ABCC4: variants seen among roughly 807,000 people sequenced by gnomAD.
ABCC4 encodes the protein ATP-binding cassette sub-family C member 4.
Under a neutral mutation model 168.5 loss-of-function variants are expected in ABCC4, and 102 were observed. The observed-to-expected ratio is 0.61, with a 90% CI of 0.52 to 0.71. ABCC4 has a LOEUF of 0.71. Ranked by LOEUF, ABCC4 falls within the 30% of genes least tolerant of loss-of-function variation. The pLI is 0.00. For synonymous variants in ABCC4, 617 were observed against 590.7 expected (o/e 1.04, Z -0.65); for missense variants, 1,402 against 1,605.8 (o/e 0.87, Z 2.17).
chr13:95,029,172 A>ATCTATATC (rs778904308), intron 30 of ABCC4, among the ~76,000 whole-genome samples: 2,049 of 60,684 alleles, frequency 0.034, 91 homozygotes, highest in Non-Finnish European at 0.037. Flanking sequence ...AAATACATAT[A>ATCTATATC]TATATATATA....
Position 95,043,896 on chromosome 13 carries a change from T to C in ABCC4, c.3630-109A>G, listed in dbSNP as rs1017855650. The C allele has an allele frequency of 4.4e-6, 3 of 683,852 alleles. No homozygotes were observed. In the South Asian group the frequency reaches 6.9e-5, roughly 16 times the overall value. 42.4% of individuals were successfully genotyped at this position (683,852 alleles called of 1,614,324 possible). ...ATTTAAAAAAAAAAGATCATATCTATTTAATGTTTTAAAAATCATGTTAAA... is the reference window on the plus strand; with the variant it reads ...ATTTAAAAAAAAAAGATCATATCTACTTAATGTTTTAAAAATCATGTTAAA... On this transcript the variant is annotated intron_variant, in intron 28 of 30. Coordinates refer to ENST00000645237, the MANE Select transcript of ABCC4 (RefSeq NM_005845.5).
chr13:95,117,154 A>G (rs937819430), intron 19 of ABCC4, among the ~76,000 whole-genome samples: 2 of 151,950 alleles, frequency 1.3e-5, no homozygotes, highest in African/African-American at 4.8e-5. Flanking sequence ...AGAAAGCATC[A>G]TTCAGTGACA....
At chr13:95,240,269 G>A (rs533229362) in intron 3 of ABCC4, among the ~76,000 whole-genome samples, 3 of 152,186 alleles carry the variant, frequency 2.0e-5, no homozygotes, top group South Asian at 2.1e-4. Context: ...GCGGCTGGGC[G>A]CGATGTAATC....
rs151188499 is a variant in ABCC4 at position 95,115,056 on chromosome 13, C to T, written c.2535+866G>A. The stretch of plus-strand genomic sequence containing the variant: ...GAATATGTATAGCTTTTAATAGATG[C>T]ATTTCCAAAATAAACACTTGGGAAA... On this transcript the variant is annotated intron_variant, in intron 20 of 30. Coordinates refer to ENST00000645237, the MANE Select transcript of ABCC4 (RefSeq NM_005845.5). Among the ~76,000 whole-genome samples, 116 of 152,026 alleles carry T rather than the reference C, an allele frequency of 7.6e-4. 2 individuals carry two copies. Among genetic ancestry groups the T allele is most frequent in the Middle Eastern group, 3.4e-3 (1 of 294 alleles).
At chr13:95,168,397 G>A (rs2037355727) in intron 14 of ABCC4, among the ~76,000 whole-genome samples, 1 of 152,202 alleles carries the variant, frequency 6.6e-6, no homozygotes, top group Non-Finnish European at 1.5e-5. Context: ...TCTTAAGGGT[G>A]AGAATTCACT....
At position 95,085,817 on chromosome 13, in the gene ABCC4, T is replaced by C. The variant is rs574257243; in HGVS notation, c.2536-2527A>G. Among the ~76,000 whole-genome samples the C allele has an allele frequency of 3.3e-4, 50 of 152,316 alleles. No individual in the cohort carries two copies. The South Asian group carries it at 7.5e-3, about 23-fold the overall frequency. The stretch of plus-strand genomic sequence containing the variant: ...GCTTATATCCAAACCTTAGTACATA[T>C]GTATTTCGCATCCATTATCTAACTT... On this transcript the variant is annotated intron_variant, in intron 20 of 30. Coordinates refer to ENST00000645237, the MANE Select transcript of ABCC4 (RefSeq NM_005845.5).
At chr13:95,292,756 G>A (rs1016788723) in intron 1 of ABCC4, among the ~76,000 whole-genome samples, 4 of 152,118 alleles carry the variant, frequency 2.6e-5, no homozygotes, top group African/African-American at 9.7e-5. Context: ...TGACACTAAG[G>A]AAAAGGGGAA....
rs2038220387 is a variant in ABCC4, at chr13:95,190,511, G to A, written c.1264-1969C>T. 2.0e-5 allele frequency among the ~76,000 whole-genome samples: 3 copies of A among 152,220 alleles called. No individual in the cohort carries two copies. In the South Asian group the frequency reaches 6.2e-4, roughly 32 times the overall value. ...ACCAGAGCATGATAAACCAAAATGA[G>A]GAGGTTTCCTCTTCTCATACAAGGA... On this transcript the variant is annotated intron_variant, in intron 9 of 30. Coordinates refer to ENST00000645237, the MANE Select transcript of ABCC4 (RefSeq NM_005845.5).
chr13:95,194,814 T>A (rs779235936), intron 9 of ABCC4, 22 bp downstream of exon 9: 3 of 1,584,094 alleles, frequency 1.9e-6, no homozygotes, highest in Non-Finnish European at 2.6e-6. Context: ...GCAGTCATGA[T>A]CTTGCATTAA....
At chr13:95,248,608 A>C (rs2040174557) in intron 1 of ABCC4, among the ~76,000 whole-genome samples, 1 of 152,150 alleles carries the variant, frequency 6.6e-6, no homozygotes, top group Admixed American at 6.5e-5. Flanking sequence ...TTAATCATTA[A>C]ATGATAATAA....
intron 20 of ABCC4, among the ~76,000 whole-genome samples, chr13:95,105,446 A>G (rs1418656055): frequency 6.6e-6 from 1 of 152,142 alleles, no homozygotes; most frequent in Non-Finnish European, 1.5e-5. Flanking sequence ...AGCACTAATT[A>G]GCAAGAAAAT....
Position 95,163,102 on chromosome 13 carries a change from AC to A in ABCC4, c.2308+19del, listed in dbSNP as rs765325485. 6.4e-7 allele frequency: 1 copy of A among 1,568,306 alleles called. No individual in the cohort carries two copies. The highest frequency in any genetic ancestry group is 1.7e-5 in the Admixed American group (1 of 59,860). Reference sequence around the variant, plus strand: ...AGCACCTCAGCCTCTCATACAATACACCAAATGATTAAACTTTACCTGAATA... The same window carrying A: ...AGCACCTCAGCCTCTCATACAATACACAAATGATTAAACTTTACCTGAATA... On this transcript the variant is annotated intron_variant, in intron 18 of 30. Coordinates refer to ENST00000645237, the MANE Select transcript of ABCC4 (RefSeq NM_005845.5).
intron 8 of ABCC4, among the ~76,000 whole-genome samples, chr13:95,201,332 A>G (rs1222004444): frequency 6.6e-6 from 1 of 152,184 alleles, no homozygotes; most frequent in Non-Finnish European, 1.5e-5. Flanking sequence ...TTGGACCACA[A>G]TTCCCTGAAA....
intron 18 of ABCC4, 56 bp from the exon 19 acceptor site, chr13:95,161,391 T>C (rs1390695195): frequency 3.6e-6 from 5 of 1,403,452 alleles, no homozygotes; most frequent in Admixed American, 2.7e-5. Context: ...TTTTCTTCAA[T>C]AGTTGCTAAA....
Position 95,209,535 on chromosome 13 carries a change from T to C in ABCC4, c.684A>G (p.Leu228=), listed in dbSNP as rs141546173. Residue 228 remains leucine (L), a synonymous_variant, in exon 6 of 31, where the codon CTA becomes CTG. Transcript: ENST00000645237. Reference sequence around the variant, plus strand: ...ACGATATTCCTATCTCCATCCAGAGTAGGGCAGTCACTGCAATCGCCTGCA... The same window carrying C: ...ACGATATTCCTATCTCCATCCAGAGCAGGGCAGTCACTGCAATCGCCTGCA... ...GPLQAIAVTA[L]LWMEIGISCL... is the part of the protein sequence containing the mutation. 4.3e-6 allele frequency: 7 copies of C among 1,614,084 alleles called. No individual in the cohort carries two copies. The South Asian group carries it at 5.5e-5, about 13-fold the overall frequency.
chr13:95,189,766 C>A (rs541088791), intron 9 of ABCC4, among the ~76,000 whole-genome samples: 3 of 152,244 alleles, frequency 2.0e-5, no homozygotes, highest in Non-Finnish European at 2.9e-5. Context: ...AGTGTATGTT[C>A]ATAGGTCAAA....
chr13:95,205,139 A>G (rs763077779), intron 8 of ABCC4, among the ~76,000 whole-genome samples: 6 of 152,194 alleles, frequency 3.9e-5, no homozygotes, highest in Non-Finnish European at 7.3e-5. Flanking sequence ...AAGAATGGGG[A>G]TAAGAAATGA....
intron 11 of ABCC4, among the ~76,000 whole-genome samples, chr13:95,180,066 A>G (rs1221310121): frequency 6.6e-6 from 1 of 152,160 alleles, no homozygotes; most frequent in Non-Finnish European, 1.5e-5. Flanking sequence ...CACCAAATGG[A>G]AAAAAACAGT....
intron 5 of ABCC4, 28 bp downstream of exon 5, chr13:95,210,664 G>A: frequency 1.1e-5 from 17 of 1,590,774 alleles, no homozygotes; most frequent in Non-Finnish European, 1.5e-5. Context: ...TTAATGCAAT[G>A]AAAAAGGATC....
Sources: allele counts gnomAD v4.1 joint callset (sites outside exome capture counted in the v4.1 genomes callset), GRCh38; gene constraint gnomAD v4.1.1; transcripts MANE v1.5; gene names NCBI Gene and HGNC (gene_info 2026-07-23, HGNC 2026-07-21).